Variants in NR3C2 observed in about 807,000 individuals in gnomAD.
NR3C2 encodes nuclear receptor subfamily 3 group C member 2, also known as mineralocorticoid receptor.
NR3C2 carries 15 observed loss-of-function variants against 86.4 expected under a neutral mutation model. The observed-to-expected ratio is 0.17, with a 90% CI of 0.12 to 0.27. NR3C2 has a LOEUF of 0.27. Ranked by LOEUF, NR3C2 falls within the 10% of genes least tolerant of loss-of-function variation. The pLI, the probability that NR3C2 is intolerant of heterozygous loss-of-function variation, is 1.00. For synonymous variants in NR3C2, 458 were observed against 450.5 expected (o/e 1.02, Z -0.21); for missense variants, 960 against 1,195.6 (o/e 0.80, Z 2.91).
At chr4:148,445,179 C>G (rs543245502), upstream of NR3C2, among the ~76,000 whole-genome samples, 1,857 of 152,182 alleles carry the variant, frequency 0.012, 30 homozygotes, top group Admixed American at 0.045. Flanking sequence ...TGCCCGCAGC[C>G]CTCCAAAGTC....
chr4:148,158,373 CTCT>C (rs1179194437), intron 4 of NR3C2, among the ~76,000 whole-genome samples: 5 of 152,214 alleles, frequency 3.3e-5, no homozygotes, highest in Non-Finnish European at 7.3e-5. Context: ...ATAAACTCTC[CTCT>C]AAGTCTCAAC....
At chr4:148,114,005 A>C (rs771947084) in intron 8 of NR3C2, 99 bp downstream of exon 8, 1 of 1,416,866 alleles carries the variant, frequency 7.1e-7, no homozygotes, top group Non-Finnish European at 9.8e-7. Context: ...GAGGTCTAGC[A>C]TGACACCCTG....
At chr4:148,321,302 G>A (rs1418273755) in intron 2 of NR3C2, among the ~76,000 whole-genome samples, 2 of 149,150 alleles carry the variant, frequency 1.3e-5, no homozygotes, top group Admixed American at 6.7e-5. Flanking sequence ...TTCCAACTAT[G>A]TGGTCAATTT....
At chr4:148,200,777 C>T (rs145078842) in intron 3 of NR3C2, among the ~76,000 whole-genome samples, 53 of 152,238 alleles carry the variant, frequency 3.5e-4, no homozygotes, top group South Asian at 8.3e-4. Flanking sequence ...TAGCTGTTAT[C>T]GCTGTATTTC....
intron 2 of NR3C2, among the ~76,000 whole-genome samples, chr4:148,289,671 G>T (rs1341010527): frequency 6.6e-6 from 1 of 152,138 alleles, no homozygotes; most frequent in Non-Finnish European, 1.5e-5. Flanking sequence ...ATTGGGTTGG[G>T]CCGAGAGATT....
intron 2 of NR3C2, among the ~76,000 whole-genome samples, chr4:148,275,286 T>A (rs1740904064): frequency 6.6e-6 from 1 of 152,190 alleles, no homozygotes; most frequent in Non-Finnish European, 1.5e-5. Flanking sequence ...CTTTCTACTG[T>A]ACATTTGTAG....
rs559305705 is a variant in NR3C2 at position 148,099,200 on chromosome 4, T to G, written c.2799+14904A>C. ...GGTGGGGCCCTGTGCAAAATGAACA[T>G]AAGGGGTCCCTCGTTCAAAGTTTAT... On this transcript the variant is annotated intron_variant, in intron 8 of 8. Coordinates refer to ENST00000358102, the MANE Select transcript of NR3C2 (RefSeq NM_000901.5). Among the ~76,000 whole-genome samples the G allele has an allele frequency of 4.1e-4, 62 of 152,330 alleles. No homozygotes were observed. The South Asian group carries it at 0.011, about 27-fold the overall frequency.
At chr4:148,408,306 C>T (rs1748519965) in intron 2 of NR3C2, among the ~76,000 whole-genome samples, 1 of 152,102 alleles carries the variant, frequency 6.6e-6, no homozygotes, top group Non-Finnish European at 1.5e-5. Context: ...TTGATCAGTG[C>T]TAGCCAGTTA....
At chr4:148,269,542 A>C (rs1306271248) in intron 2 of NR3C2, among the ~76,000 whole-genome samples, 1 of 152,242 alleles carries the variant, frequency 6.6e-6, no homozygotes, top group African/African-American at 2.4e-5. Context: ...AAAAGATCTA[A>C]CATCAAATCA....
intron 2 of NR3C2, among the ~76,000 whole-genome samples, chr4:148,375,858 G>A (rs1746652501): frequency 6.6e-6 from 1 of 152,052 alleles, no homozygotes; most frequent in Admixed American, 6.6e-5. Context: ...TAATGCAGGT[G>A]CATTAAAAAT....
At chr4:148,327,456 G>A (rs538434977) in intron 2 of NR3C2, among the ~76,000 whole-genome samples, 1 of 152,208 alleles carries the variant, frequency 6.6e-6, no homozygotes, top group Admixed American at 6.5e-5. Flanking sequence ...AACCCTAATC[G>A]GATCCTGGGG....
At chr4:148,274,946 C>A (rs1057283466) in intron 2 of NR3C2, among the ~76,000 whole-genome samples, 1 of 152,010 alleles carries the variant, frequency 6.6e-6, no homozygotes, top group Admixed American at 6.6e-5. Context: ...GATCCACTTG[C>A]CTCCGCCTCC....
chr4:148,236,253 A>G (rs1738745251), intron 3 of NR3C2, among the ~76,000 whole-genome samples: 1 of 152,198 alleles, frequency 6.6e-6, no homozygotes, highest in African/African-American at 2.4e-5. Context: ...TGTCGGGGTA[A>G]GTGATCCCCC....
At chr4:148,331,878 T>G (rs1421343486) in intron 2 of NR3C2, among the ~76,000 whole-genome samples, 3 of 152,356 alleles carry the variant, frequency 2.0e-5, no homozygotes, top group Non-Finnish European at 4.4e-5. Flanking sequence ...TTCATTCTTC[T>G]TCACAGCTCC....
At chr4:148,441,112 G>A (rs559362184) in intron 1 of NR3C2, among the ~76,000 whole-genome samples, 1 of 152,310 alleles carries the variant, frequency 6.6e-6, no homozygotes, top group Admixed American at 6.5e-5. Flanking sequence ...GAGAGCGGGA[G>A]AACCAGTTAG....
intron 2 of NR3C2, among the ~76,000 whole-genome samples, chr4:148,385,479 C>G (rs1747215461): frequency 6.6e-6 from 1 of 152,156 alleles, no homozygotes; most frequent in South Asian, 2.1e-4. Context: ...CATACAGAAA[C>G]CTCAGGTTGC....
chr4:148,108,282 T>C (rs1731894639), intron 8 of NR3C2, among the ~76,000 whole-genome samples: 1 of 152,064 alleles, frequency 6.6e-6, no homozygotes, highest in Admixed American at 6.5e-5. Context: ...TTTGTATTTT[T>C]AGTAGAGATG....
At chr4:148,187,352 T>C (rs1735977005) in intron 4 of NR3C2, among the ~76,000 whole-genome samples, 1 of 152,090 alleles carries the variant, frequency 6.6e-6, no homozygotes, top group Non-Finnish European at 1.5e-5. Flanking sequence ...GTTTACCGCA[T>C]CTATGCCAAC....
intron 2 of NR3C2, among the ~76,000 whole-genome samples, chr4:148,427,649 T>TG (rs1184753614): frequency 6.6e-6 from 1 of 150,614 alleles, no homozygotes; most frequent in Non-Finnish European, 1.5e-5. Flanking sequence ...AAAGGGGGGG[T>TG]GTCCCTATGA....
Sources: allele counts gnomAD v4.1 joint callset (sites outside exome capture counted in the v4.1 genomes callset), GRCh38; gene constraint gnomAD v4.1.1; transcripts MANE v1.5; gene names NCBI Gene and HGNC (gene_info 2026-07-23, HGNC 2026-07-21).